SBK1: variants seen among roughly 807,000 people sequenced by gnomAD.
SBK1 encodes SH3 domain binding kinase 1, also known as serine/threonine-protein kinase SBK1.
In SBK1, 11 loss-of-function variants were observed where a neutral mutation model predicts 24.4. The ratio of observed to expected loss-of-function variants is 0.45; its 90% confidence interval spans 0.28 to 0.75. The LOEUF (loss-of-function observed/expected upper bound fraction) is 0.75, where lower values mean the gene tolerates loss of function less well. SBK1 is among the 30% of genes least tolerant of loss of function. The pLI is 0.12. For synonymous variants in SBK1, 308 were observed against 284.4 expected (o/e 1.08, Z -0.83); for missense variants, 467 against 620.5 (o/e 0.75, Z 2.63).
chr16:28,276,810 G>A (rs1185237723), intron 1 of SBK1, among the ~76,000 whole-genome samples: 1 of 151,936 alleles, frequency 6.6e-6, no homozygotes, highest in African/African-American at 2.4e-5. Context: ...GACTACAGGC[G>A]CCCGCCACCA....
chr16:28,297,348 A>G (rs2044648075), intron 1 of SBK1, among the ~76,000 whole-genome samples: 1 of 152,188 alleles, frequency 6.6e-6, no homozygotes, highest in Admixed American at 6.5e-5. Flanking sequence ...AAGAAACAAA[A>G]GTTGACATTT....
At chr16:28,295,302 C>T (rs1323880444) in intron 1 of SBK1, among the ~76,000 whole-genome samples, 1 of 152,198 alleles carries the variant, frequency 6.6e-6, no homozygotes, top group Non-Finnish European at 1.5e-5. Context: ...ACCACCTCTC[C>T]TAGCCCATCT....
intron 1 of SBK1, among the ~76,000 whole-genome samples, chr16:28,302,706 C>T (rs538619003): frequency 2.1e-4 from 32 of 152,324 alleles, no homozygotes; most frequent in African/African-American, 7.5e-4. Context: ...CCCCTTTTCA[C>T]CCAGTTCCTG....
chr16:28,283,345 G>A (rs2044545531), intron 1 of SBK1, among the ~76,000 whole-genome samples: 1 of 152,042 alleles, frequency 6.6e-6, no homozygotes, highest in Non-Finnish European at 1.5e-5. Flanking sequence ...TGAAAAGTTC[G>A]GAGTTTCAGG....
chr16:28,291,232 T>C (rs573069832), upstream of SBK1: 5 of 152,166 alleles, frequency 3.3e-5, no homozygotes, highest in African/African-American at 9.6e-5. Flanking sequence ...CTGGAAACCA[T>C]CATTCTCAGC....
chr16:28,260,301 A>C (rs757533154), intron 1 of SBK1, among the ~76,000 whole-genome samples: 9 of 152,046 alleles, frequency 5.9e-5, no homozygotes, highest in Non-Finnish European at 8.8e-5. Flanking sequence ...TCCTTTAGCC[A>C]GCTCTCCCCA....
intron 1 of SBK1, among the ~76,000 whole-genome samples, chr16:28,271,722 A>G (rs371705894): frequency 3.1e-4 from 47 of 152,364 alleles, no homozygotes; most frequent in African/African-American, 1.1e-3. Context: ...GGAGACATTT[A>G]CACAAGTAGG....
At chr16:28,302,138 C>T (rs1209408209) in intron 1 of SBK1, among the ~76,000 whole-genome samples, 4 of 152,184 alleles carry the variant, frequency 2.6e-5, no homozygotes, top group Non-Finnish European at 5.9e-5. Flanking sequence ...TCCTGAGCCT[C>T]ATGGTGCCCC....
At chr16:28,277,925 A>T (rs1021690894) in intron 1 of SBK1, among the ~76,000 whole-genome samples, 1 of 152,264 alleles carries the variant, frequency 6.6e-6, no homozygotes, top group African/African-American at 2.4e-5. Flanking sequence ...GATTCCGCGG[A>T]CAAAGTCTCT....
chr16:28,315,157 T>TC, intron 1 of SBK1, among the ~76,000 whole-genome samples: 1 of 146,088 alleles, frequency 6.8e-6, no homozygotes, highest in Non-Finnish European at 1.5e-5. Context: ...GAAAGGCTCA[T>TC]CCCCCATAGT....
At chr16:28,285,190 C>T (rs1000772769) in intron 1 of SBK1, 1 of 152,290 alleles carries the variant, frequency 6.6e-6, no homozygotes, top group African/African-American at 2.4e-5. Context: ...TCTCCCTCCT[C>T]AGTCTCCCAA....
chr16:28,261,016 G>A (rs1384870901), intron 1 of SBK1, among the ~76,000 whole-genome samples: 1 of 152,134 alleles, frequency 6.6e-6, no homozygotes, highest in Non-Finnish European at 1.5e-5. Flanking sequence ...ACAAAGTGTG[G>A]ATGGTGAGGA....
At chr16:28,286,066 A>G (rs1406819508) in intron 1 of SBK1, 3 of 152,152 alleles carry the variant, frequency 2.0e-5, no homozygotes, top group Non-Finnish European at 4.4e-5. Context: ...CAGAATGTAC[A>G]CTCCAAAAAG....
At chr16:28,311,448 G>A (rs561089180) in intron 1 of SBK1, among the ~76,000 whole-genome samples, 6 of 152,266 alleles carry the variant, frequency 3.9e-5, no homozygotes, top group Admixed American at 1.3e-4. Context: ...GCCTTAGAGA[G>A]GCCAGGGGTG....
intron 1 of SBK1, among the ~76,000 whole-genome samples, chr16:28,308,450 CTTTTTTTTTTTTTTTTTTTTTT>C (rs59880320): frequency 1.5e-4 from 6 of 39,982 alleles, no homozygotes; most frequent in Admixed American, 4.8e-4. Flanking sequence ...CATGCTTGGG[CTTTTTTTTTTTTTTTTTTTTTT>C]TTTTTTTTTT....
chr16:28,272,479 T>A (rs1044330471), intron 1 of SBK1, among the ~76,000 whole-genome samples: 8 of 152,140 alleles, frequency 5.3e-5, no homozygotes, highest in Non-Finnish European at 1.2e-4. Context: ...AGAACCAAAA[T>A]CTAGGAATTA....
At chr16:28,289,054 G>A (rs547928835), upstream of SBK1, among the ~76,000 whole-genome samples, 3 of 152,270 alleles carry the variant, frequency 2.0e-5, no homozygotes, top group African/African-American at 7.2e-5. Context: ...CTTGAACTGG[G>A]CAACCCTTGA....
At chr16:28,288,172 T>C (rs1416672004), upstream of SBK1, among the ~76,000 whole-genome samples, 2 of 152,048 alleles carry the variant, frequency 1.3e-5, no homozygotes, top group Non-Finnish European at 2.9e-5. Context: ...TGAGAAAGTT[T>C]TTACAAAGTC....
chr16:28,290,472 T>C (rs1185274248), upstream of SBK1: 1 of 151,984 alleles, frequency 6.6e-6, no homozygotes, highest in African/African-American at 2.4e-5. Context: ...CCGTCTGTAG[T>C]AAAAATACAA....
Sources: gnomAD v4.1 joint callset for allele counts (sites outside exome capture counted in the v4.1 genomes callset) on GRCh38, gnomAD v4.1.1 for gene constraint, MANE v1.5 for transcripts, NCBI Gene and HGNC (gene_info 2026-07-23, HGNC 2026-07-21) for gene names.